Variants in ELAVL2 observed in about 807,000 individuals in gnomAD.
ELAVL2 encodes the protein ELAV-like protein 2.
A neutral mutation model predicts 34.6 loss-of-function variants in ELAVL2; 4 were observed. The ratio of observed to expected loss-of-function variants is 0.12; its 90% CI spans 0.06 to 0.26. ELAVL2 has a LOEUF of 0.26. Among genes scored for constraint, ELAVL2 ranks in the 10% least tolerant of loss-of-function variants. The pLI is 1.00. For missense variants in ELAVL2, 432 were observed against 442.8 expected, an observed-to-expected ratio of 0.98 and a Z score of 0.22; for synonymous variants, 193 against 154.8, an observed-to-expected ratio of 1.25 and a Z score of -1.83.
the ELAVL2 span, among the ~76,000 whole-genome samples, chr9:23,846,544 AG>A: frequency 6.6e-6 from 1 of 152,026 alleles, no homozygotes; most frequent in Non-Finnish European, 1.5e-5. Context: ...GGGTACAGTT[AG>A]GTCTTCCTCT....
At chr9:23,831,747 A>T in the ELAVL2 span, 1 of 152,150 alleles carries the variant, frequency 6.6e-6, no homozygotes, top group Non-Finnish European at 1.5e-5. Context: ...GCTGAAGTAA[A>T]CTGCATTAAA....
chr9:23,846,352 T>C, the ELAVL2 span, among the ~76,000 whole-genome samples: 2 of 151,906 alleles, frequency 1.3e-5, no homozygotes, highest in Non-Finnish European at 2.9e-5. Context: ...AGAAAATACA[T>C]ATTATCGTAA....
At chr9:23,743,138 C>A (rs917875249) in intron 2 of ELAVL2, among the ~76,000 whole-genome samples, 2 of 152,042 alleles carry the variant, frequency 1.3e-5, no homozygotes, top group Non-Finnish European at 2.9e-5. Flanking sequence ...ACCATGGCTA[C>A]GAATTAAGTC....
intron 1 of ELAVL2, among the ~76,000 whole-genome samples, chr9:23,767,809 G>A (rs2056591509): frequency 6.6e-6 from 1 of 152,118 alleles, no homozygotes; most frequent in Non-Finnish European, 1.5e-5. Context: ...ACTATATTCT[G>A]AGAGTTGTTA....
intron 1 of ELAVL2, among the ~76,000 whole-genome samples, chr9:23,789,461 A>G (rs948671682): frequency 6.6e-6 from 1 of 152,228 alleles, no homozygotes; most frequent in African/African-American, 2.4e-5. Context: ...AGTATTGAGG[A>G]AACAGTTCAA....
intron 1 of ELAVL2, among the ~76,000 whole-genome samples, chr9:23,814,664 G>A (rs1290380251): frequency 2.0e-5 from 3 of 152,044 alleles, no homozygotes; most frequent in Admixed American, 6.5e-5. Context: ...ATAGAAATAG[G>A]CCTTACCTGG....
In ELAVL2 at chr9:23,705,008, G is replaced by A; in HGVS notation, c.397C>T (p.Pro133Ser). The A allele has an allele frequency of 1.2e-6, 2 of 1,614,108 alleles. No individual in the cohort carries two copies. Among genetic ancestry groups the A allele is most frequent in the Non-Finnish European group, 1.7e-6 (2 of 1,179,990 alleles). ...RDANLYVSGL[P>S]KTMTQKELEQ... ...AACTCCTTCTGGGTCATTGTTTTTG[G>A]AAGTCCGCTGACATATAAATTTGCA... Residue 133 changes from proline to serine, a missense_variant, in exon 4 of 7, where the codon CCA (proline) becomes TCA (serine). Pro to Ser is a moderately conservative substitution (Grantham distance 74). Coordinates refer to ENST00000397312, the MANE Select transcript of ELAVL2 (RefSeq NM_004432.5).
chr9:23,798,346 T>C (rs915222802), intron 1 of ELAVL2, among the ~76,000 whole-genome samples: 1 of 152,224 alleles, frequency 6.6e-6, no homozygotes, highest in Non-Finnish European at 1.5e-5. Context: ...GAAGCCAGAC[T>C]GCGTGAGTTC....
chr9:23,749,812 AGGTTTCTATGTGT>A (rs1179892164), intron 2 of ELAVL2, among the ~76,000 whole-genome samples: 2 of 152,058 alleles, frequency 1.3e-5, no homozygotes, highest in Admixed American at 1.3e-4. Context: ...TGCTAGATAG[AGGTTTCTATGTGT>A]GGTGGGATCT....
At chr9:23,840,275 G>A in the ELAVL2 span, among the ~76,000 whole-genome samples, 19 of 152,316 alleles carry the variant, frequency 1.2e-4, no homozygotes, top group East Asian at 3.7e-3. Flanking sequence ...GGAAAGCCCA[G>A]TGATTCTCAC....
intron 1 of ELAVL2, among the ~76,000 whole-genome samples, chr9:23,811,377 G>GTTT (rs1272299334): frequency 1.3e-5 from 2 of 151,914 alleles, no homozygotes; most frequent in Admixed American, 1.3e-4. Context: ...GCCATTAAGG[G>GTTT]AGAAAAGCAG....
chr9:23,825,627 C>T (rs1427355121), intron 1 of ELAVL2, among the ~76,000 whole-genome samples, 179 bp downstream of exon 1: 1 of 152,174 alleles, frequency 6.6e-6, no homozygotes, highest in Non-Finnish European at 1.5e-5. Context: ...GTACGCTAAG[C>T]ATGCGTCCAC....
At chr9:23,716,686 C>T (rs543968954) in intron 3 of ELAVL2, among the ~76,000 whole-genome samples, 8 of 152,246 alleles carry the variant, frequency 5.3e-5, no homozygotes, top group Admixed American at 4.6e-4. Flanking sequence ...AGCAGACCAC[C>T]AAATAGATGA....
chr9:23,788,460 A>AC (rs1224198784), intron 1 of ELAVL2, among the ~76,000 whole-genome samples: 5 of 152,152 alleles, frequency 3.3e-5, no homozygotes, highest in Admixed American at 6.6e-5. Flanking sequence ...ACTGACCCCT[A>AC]CCATGTTTTT....
At chr9:23,736,638 G>A (rs1314847234) in intron 2 of ELAVL2, among the ~76,000 whole-genome samples, 3 of 152,134 alleles carry the variant, frequency 2.0e-5, no homozygotes, top group African/African-American at 7.2e-5. Flanking sequence ...CCCGCATCAC[G>A]TTCTGCCAGT....
intron 5 of ELAVL2, among the ~76,000 whole-genome samples, chr9:23,700,093 T>C (rs2036664172): frequency 6.6e-6 from 1 of 152,142 alleles, no homozygotes; most frequent in South Asian, 2.1e-4. Flanking sequence ...AAAAAATAAA[T>C]GCATAGATTT....
At chr9:23,747,704 T>C (rs1188556543) in intron 2 of ELAVL2, among the ~76,000 whole-genome samples, 1 of 152,186 alleles carries the variant, frequency 6.6e-6, no homozygotes, top group Non-Finnish European at 1.5e-5. Flanking sequence ...GACTTACCCA[T>C]GAAGTATTCA....
At chr9:23,850,007 A>G in the ELAVL2 span, 1 of 152,104 alleles carries the variant, frequency 6.6e-6, no homozygotes, top group Non-Finnish European at 1.5e-5. Context: ...AAGTATCTCT[A>G]GTAATCACAA....
chr9:23,706,325 C>G (rs1446674599), intron 3 of ELAVL2, among the ~76,000 whole-genome samples: 1 of 152,178 alleles, frequency 6.6e-6, no homozygotes, highest in Non-Finnish European at 1.5e-5. Flanking sequence ...TCACTGTATC[C>G]TCAATGCCTA....
Sources: allele counts gnomAD v4.1 joint callset (sites outside exome capture counted in the v4.1 genomes callset), GRCh38; gene constraint gnomAD v4.1.1; transcripts MANE v1.5; gene names NCBI Gene and HGNC (gene_info 2026-07-23, HGNC 2026-07-21).